The following ITPR2 variants were observed in gnomAD, a reference collection of about 807,000 sequenced individuals.
The protein encoded by ITPR2 is inositol 1,4,5-trisphosphate receptor type 2, also known as inositol 1,4,5-trisphosphate-gated calcium channel ITPR2.
In ITPR2, 207 loss-of-function variants were observed where a neutral mutation model predicts 317.1. That is an observed-to-expected ratio of 0.65 (90% CI 0.58 to 0.73). The LOEUF is 0.73. Among genes scored for constraint, ITPR2 ranks in the 30% least tolerant of loss-of-function variants. ITPR2 has a pLI of 0.00. For missense variants in ITPR2, 2,613 were observed against 3,284.0 expected, an observed-to-expected ratio of 0.80 and a Z score of 4.99; for synonymous variants, 1,156 against 1,149.1, an observed-to-expected ratio of 1.01 and a Z score of -0.12.
At chr12:26,403,310 T>A (rs371682877) in intron 52 of ITPR2, among the ~76,000 whole-genome samples, 14 of 152,248 alleles carry the variant, frequency 9.2e-5, no homozygotes, top group African/African-American at 3.4e-4. Context: ...ATAAGGAGAC[T>A]CACACATCAA....
chr12:26,650,117 TA>T, intron 21 of ITPR2, among the ~76,000 whole-genome samples: 1 of 152,248 alleles, frequency 6.6e-6, no homozygotes, highest in Admixed American at 6.5e-5. Context: ...TGGAATTCAC[TA>T]AAAAATATGA....
intron 21 of ITPR2, among the ~76,000 whole-genome samples, chr12:26,648,109 T>A (rs1244985488): frequency 6.6e-6 from 1 of 152,094 alleles, no homozygotes; most frequent in Non-Finnish European, 1.5e-5. Context: ...ACTTCTGTAA[T>A]TGCCACTTTC....
At chr12:26,749,429 AT>A (rs1216922963) in intron 2 of ITPR2, among the ~76,000 whole-genome samples, 1 of 152,008 alleles carries the variant, frequency 6.6e-6, no homozygotes, top group Non-Finnish European at 1.5e-5. Context: ...TTCAATCACT[AT>A]TTTTTTTCTC....
At chr12:26,778,711 C>T (rs761955230) in intron 2 of ITPR2, among the ~76,000 whole-genome samples, 81 of 152,200 alleles carry the variant, frequency 5.3e-4, no homozygotes, top group Non-Finnish European at 1.1e-3. Context: ...ACATTGATGA[C>T]ACTATGTTGA....
rs189790904 is a variant in ITPR2, at chr12:26,460,277, A to C, written c.6342+15019T>G. On this transcript the variant is annotated intron_variant, in intron 45 of 56. Coordinates refer to ENST00000381340, the MANE Select transcript of ITPR2 (RefSeq NM_002223.4). ...ATTGTTTGGTCATTAGGGACTTTGC[A>C]TATAAAGCAGTAAGAGACTCCAGAT... Among the ~76,000 whole-genome samples the C allele has an allele frequency of 1.3e-4, 20 of 152,358 alleles. No homozygotes were observed. The East Asian group carries it at 3.7e-3, about 28-fold the overall frequency.
At chr12:26,458,939 C>T (rs1006945741) in intron 45 of ITPR2, among the ~76,000 whole-genome samples, 22 of 152,200 alleles carry the variant, frequency 1.4e-4, no homozygotes, top group African/African-American at 5.1e-4. Flanking sequence ...TTGCTGTGAT[C>T]CCATAGCGGG....
intron 2 of ITPR2, among the ~76,000 whole-genome samples, chr12:26,754,704 A>C (rs1377719744): frequency 6.6e-6 from 1 of 152,222 alleles, no homozygotes; most frequent in Non-Finnish European, 1.5e-5. Context: ...TAATCTTGTA[A>C]AACAAATTCT....
intron 55 of ITPR2, among the ~76,000 whole-genome samples, chr12:26,370,152 T>C (rs1204500920): frequency 6.6e-6 from 1 of 152,206 alleles, no homozygotes; most frequent in Non-Finnish European, 1.5e-5. Context: ...TTCTAGTGAA[T>C]TATCAAACTG....
At chr12:26,627,780 C>A (rs968035789) in intron 23 of ITPR2, among the ~76,000 whole-genome samples, 1 of 151,822 alleles carries the variant, frequency 6.6e-6, no homozygotes, top group African/African-American at 2.4e-5. Context: ...CGGTGGGTGG[C>A]GGGCTAGGGG....
intron 32 of ITPR2, among the ~76,000 whole-genome samples, chr12:26,593,947 G>A (rs1945773332): frequency 6.6e-6 from 1 of 152,156 alleles, no homozygotes; most frequent in South Asian, 2.1e-4. Flanking sequence ...TCTTTAGTCA[G>A]TAGCACTGTG....
At chr12:26,679,301 A>G (rs1947980684) in intron 13 of ITPR2, among the ~76,000 whole-genome samples, 1 of 152,248 alleles carries the variant, frequency 6.6e-6, no homozygotes, top group Middle Eastern at 3.2e-3. Flanking sequence ...ATTTGTTTGC[A>G]TATTTAGGAT....
At position 26,483,791 on chromosome 12, in the gene ITPR2, C is replaced by T. The variant is rs1261931015; in HGVS notation, c.5919G>A (p.Leu1973=). The T allele has an allele frequency of 1.2e-6, 2 of 1,614,100 alleles. No homozygotes were observed. The highest frequency in any genetic ancestry group is 2.2e-5 in the East Asian group (1 of 44,884). The change falls in exon 42 of 57, where the codon TTG becomes TTA. Residue 1973 remains leucine, a synonymous_variant. Coordinates refer to ENST00000381340, the MANE Select transcript of ITPR2 (RefSeq NM_002223.4). ...CGSTTGGLGL[L]GLYINEKNVA... ...CATTCTTCTCATTGATGTAGAGACC[C>T]AACAGGCCCAGGCCACCGGTTGTAC...
intron 10 of ITPR2, among the ~76,000 whole-genome samples, chr12:26,690,893 C>T (rs572209573): frequency 3.3e-5 from 5 of 152,280 alleles, no homozygotes; most frequent in South Asian, 2.1e-4. Context: ...AAGTAGAATA[C>T]GCTATTCCAC....
chr12:26,627,465 A>AACAGTATGTCCCAGTCC (rs1241583139), intron 23 of ITPR2: 21 of 152,398 alleles, frequency 1.4e-4, no homozygotes, highest in African/African-American at 5.1e-4. Flanking sequence ...TGGCACAGTA[A>AACAGTATGTCCCAGTCC]ACAGTATGTC....
At chr12:26,440,065 C>T (rs371454351) in intron 46 of ITPR2, among the ~76,000 whole-genome samples, 3 of 152,142 alleles carry the variant, frequency 2.0e-5, no homozygotes, top group South Asian at 2.1e-4. Context: ...TTAACCCAAA[C>T]GAGTAATTCT....
chr12:26,754,312 T>C (rs983183510), intron 2 of ITPR2, among the ~76,000 whole-genome samples: 2 of 152,210 alleles, frequency 1.3e-5, no homozygotes, highest in Admixed American at 6.5e-5. Flanking sequence ...TTTTGGAGCA[T>C]TAGATTCTAG....
intron 1 of ITPR2, among the ~76,000 whole-genome samples, chr12:26,819,131 T>C (rs1428950111): frequency 1.3e-5 from 2 of 152,206 alleles, no homozygotes; most frequent in African/African-American, 4.8e-5. Flanking sequence ...TGTTTTATTT[T>C]TCAAGTTATT....
chr12:26,605,913 G>C (rs1460870081), intron 26 of ITPR2, among the ~76,000 whole-genome samples: 1 of 152,142 alleles, frequency 6.6e-6, no homozygotes, highest in Non-Finnish European at 1.5e-5. Context: ...AGGGTAATTT[G>C]AGAAATATGT....
chr12:26,379,652 G>A (rs951437587), intron 55 of ITPR2, among the ~76,000 whole-genome samples: 11 of 152,064 alleles, frequency 7.2e-5, no homozygotes, highest in Non-Finnish European at 1.2e-4. Flanking sequence ...TCCCCACCAC[G>A]CCTCCTCTGC....
Sources: gnomAD v4.1 joint callset for allele counts (sites outside exome capture counted in the v4.1 genomes callset) on GRCh38, gnomAD v4.1.1 for gene constraint, MANE v1.5 for transcripts, NCBI Gene and HGNC (gene_info 2026-07-23, HGNC 2026-07-21) for gene names.